PLD5: variants seen among roughly 807,000 people sequenced by gnomAD.
PLD5 encodes the protein phospholipase D family member 5, also known as inactive phospholipase D5.
PLD5 carries 36 observed loss-of-function variants against 61.1 expected under a neutral mutation model. That is an observed-to-expected ratio of 0.59 (90% CI 0.45 to 0.78). The LOEUF is 0.78. Ranked by LOEUF, PLD5 falls within the 30% of genes least tolerant of loss-of-function variation. The pLI, the probability that PLD5 is intolerant of heterozygous loss-of-function variation, is 0.00. For missense variants in PLD5, 515 were observed against 644.4 expected (o/e 0.80, Z 2.17); for synonymous variants, 243 against 242.8 (o/e 1.00, Z -0.01).
intron 4 of PLD5, among the ~76,000 whole-genome samples, chr1:242,233,384 G>C (rs2149041830): frequency 6.6e-6 from 1 of 152,230 alleles, no homozygotes; most frequent in East Asian, 1.9e-4. Flanking sequence ...CCTGGCCTCT[G>C]GCTCAGAATC....
chr1:242,093,200 T>C (rs12066490), intron 9 of PLD5, among the ~76,000 whole-genome samples: 3,137 of 152,226 alleles, frequency 0.021, 118 homozygotes, highest in African/African-American at 0.072. Flanking sequence ...CGTGACTATG[T>C]GCAGAGGCTG....
chr1:242,398,426 T>A (rs1383894369), intron 1 of PLD5, among the ~76,000 whole-genome samples: 1 of 152,212 alleles, frequency 6.6e-6, no homozygotes, highest in Admixed American at 6.5e-5. Flanking sequence ...AACAACTCCA[T>A]TATGATCACT....
At chr1:242,460,263 T>C (rs1418626842) in intron 1 of PLD5, among the ~76,000 whole-genome samples, 4 of 152,144 alleles carry the variant, frequency 2.6e-5, no homozygotes, top group Non-Finnish European at 4.4e-5. Context: ...CTCACTAAAC[T>C]TAATCATAGA....
chr1:242,307,361 G>GA (rs1558449709), intron 2 of PLD5, among the ~76,000 whole-genome samples: 2 of 151,970 alleles, frequency 1.3e-5, no homozygotes, highest in East Asian at 3.9e-4. Flanking sequence ...TGATGATGAT[G>GA]GTGATGATGA....
chr1:242,494,647 ATTTT>A (rs1668303507), intron 1 of PLD5, among the ~76,000 whole-genome samples: 1 of 152,126 alleles, frequency 6.6e-6, no homozygotes, highest in Admixed American at 6.5e-5. Flanking sequence ...GCCAAGGTTT[ATTTT>A]ATGTTCCAAA....
chr1:242,439,563 A>G (rs978066150), intron 1 of PLD5, among the ~76,000 whole-genome samples: 1 of 152,182 alleles, frequency 6.6e-6, no homozygotes, highest in African/African-American at 2.4e-5. Context: ...ATAAATATCT[A>G]CTGGAGAATA....
At chr1:242,418,246 T>C (rs1223223361) in intron 1 of PLD5, among the ~76,000 whole-genome samples, 1 of 152,154 alleles carries the variant, frequency 6.6e-6, no homozygotes, top group Non-Finnish European at 1.5e-5. Context: ...AGGATAGACT[T>C]CCCATTAATG....
intron 4 of PLD5, among the ~76,000 whole-genome samples, chr1:242,251,880 G>A (rs1414852019): frequency 1.3e-5 from 2 of 152,180 alleles, no homozygotes; most frequent in Non-Finnish European, 2.9e-5. Flanking sequence ...TGAGGTTGAA[G>A]GAAAGGAGAT....
chr1:242,194,618 G>GTATC (rs547535096), intron 5 of PLD5, among the ~76,000 whole-genome samples: 22,334 of 102,552 alleles, frequency 0.22, 1,913 homozygotes, highest in Middle Eastern at 0.25. Context: ...ATCTATCTAT[G>GTATC]TATCTATCTA....
chr1:242,287,369 G>T (rs1675085703), intron 3 of PLD5, among the ~76,000 whole-genome samples: 1 of 152,168 alleles, frequency 6.6e-6, no homozygotes. Context: ...AGACATTATG[G>T]AATAATAAAT....
In PLD5 at chr1:242,482,072, CA is replaced by C. The variant is rs1396887277; in HGVS notation, c.189+42015del. ...AACCCCATCTGTATGTCACCATCATCAAAGACCAAAGGTAGATAAAACCACA... is the reference window on the plus strand; with the variant it reads ...AACCCCATCTGTATGTCACCATCATCAAGACCAAAGGTAGATAAAACCACA... On this transcript the variant is annotated intron_variant, in intron 1 of 9. Coordinates refer to ENST00000536534, the MANE Select transcript of PLD5 (RefSeq NM_001372062.1). 5.9e-5 allele frequency among the ~76,000 whole-genome samples: 9 copies of C among 152,260 alleles called. No homozygotes were observed. The South Asian group carries it at 1.5e-3, about 25-fold the overall frequency.
intron 4 of PLD5, among the ~76,000 whole-genome samples, chr1:242,243,529 C>T (rs1672184568): frequency 6.6e-6 from 1 of 152,180 alleles, no homozygotes; most frequent in African/African-American, 2.4e-5. Flanking sequence ...CCCATCTTGC[C>T]TGGAAACTCA....
rs973884535 is a variant in PLD5 at position 242,369,135 on chromosome 1, T to C, written c.190-20893A>G. Among the ~76,000 whole-genome samples, 31 of 152,288 alleles carry C rather than the reference T, an allele frequency of 2.0e-4. 1 individual carries two copies. The South Asian group carries it at 2.1e-3, about 10-fold the overall frequency. Reference sequence around the variant, plus strand: ...AAAGAACATTGAGAATGTAGGACTGTCAATATTCAAAGAAATATAGAAAGG... The same window carrying C: ...AAAGAACATTGAGAATGTAGGACTGCCAATATTCAAAGAAATATAGAAAGG... On this transcript the variant is annotated intron_variant, in intron 1 of 9. Transcript: ENST00000536534.
intron 1 of PLD5, among the ~76,000 whole-genome samples, chr1:242,476,078 G>A (rs1667587177): frequency 6.6e-6 from 1 of 152,208 alleles, no homozygotes; most frequent in African/African-American, 2.4e-5. Flanking sequence ...TATGGGCCAG[G>A]CAAAGGTGGC....
At chr1:242,477,066 G>A (rs764535363) in intron 1 of PLD5, among the ~76,000 whole-genome samples, 11 of 152,086 alleles carry the variant, frequency 7.2e-5, no homozygotes, top group South Asian at 2.1e-4. Context: ...CCTGGCCAGC[G>A]TGGTGAAACC....
At chr1:242,145,800 G>A (rs984459853) in intron 5 of PLD5, among the ~76,000 whole-genome samples, 3 of 152,098 alleles carry the variant, frequency 2.0e-5, no homozygotes, top group Non-Finnish European at 4.4e-5. Context: ...AGCCTCCTGA[G>A]TAGCTGGGAT....
intron 1 of PLD5, among the ~76,000 whole-genome samples, chr1:242,523,873 A>G (rs1669357342): frequency 6.6e-6 from 1 of 152,180 alleles, no homozygotes; most frequent in Non-Finnish European, 1.5e-5. Context: ...AGGGACCAAG[A>G]GCCTGAAAGG....
intron 1 of PLD5, among the ~76,000 whole-genome samples, chr1:242,476,407 T>C (rs1667599609): frequency 6.6e-6 from 1 of 151,632 alleles, no homozygotes; most frequent in African/African-American, 2.4e-5. Context: ...GAGCGTTTAG[T>C]AAGTAAAAGA....
intron 5 of PLD5, among the ~76,000 whole-genome samples, chr1:242,130,216 T>C (rs1663125159): frequency 6.6e-6 from 1 of 152,120 alleles, no homozygotes; most frequent in Admixed American, 6.5e-5. Flanking sequence ...CACATGTAGC[T>C]GATTTTTGTA....
Sources: gnomAD v4.1 joint callset for allele counts (sites outside exome capture counted in the v4.1 genomes callset) on GRCh38, gnomAD v4.1.1 for gene constraint, MANE v1.5 for transcripts, NCBI Gene and HGNC (gene_info 2026-07-23, HGNC 2026-07-21) for gene names.